Variants in SMIM22 observed in about 807,000 individuals in gnomAD.
SMIM22 encodes the protein small integral membrane protein 22, also known as cancer associated small integral membrane open reading frame 1.
In SMIM22, 16 loss-of-function variants were observed where a neutral mutation model predicts 8.4. The observed-to-expected ratio is 1.90, with a 90% CI of 1.29 to 2.89. The LOEUF (loss-of-function observed/expected upper bound fraction) is 2.89, where lower values mean the gene tolerates loss of function less well. SMIM22 is among the 30% of genes most tolerant of loss of function. SMIM22 has a pLI of 0.00. For missense variants in SMIM22, 159 were observed against 107.5 expected (o/e 1.48, Z -2.12); for synonymous variants, 67 against 47.6 (o/e 1.41, Z -1.68).
At chr16:4,791,483 T>A (rs2082550296), upstream of SMIM22, among the ~76,000 whole-genome samples, 2 of 151,878 alleles carry the variant, frequency 1.3e-5, no homozygotes, top group Admixed American at 1.3e-4. Flanking sequence ...TGGGAGGAGG[T>A]GGATACTATT....
chr16:4,790,691 G>C (rs1357534375), upstream of SMIM22, among the ~76,000 whole-genome samples: 1 of 152,204 alleles, frequency 6.6e-6, no homozygotes, highest in Non-Finnish European at 1.5e-5. Context: ...GGGAGGCTGA[G>C]GCAGGGAGAA....
At chr16:4,792,616 A>T (rs1235430639), upstream of SMIM22, among the ~76,000 whole-genome samples, 2 of 151,264 alleles carry the variant, frequency 1.3e-5, no homozygotes, top group African/African-American at 4.8e-5. Context: ...AGCCTGACCA[A>T]CATGGTGAAA....
chr16:4,792,534 G>GCGT (rs1432787080), upstream of SMIM22, among the ~76,000 whole-genome samples: 2 of 148,696 alleles, frequency 1.3e-5, no homozygotes, highest in Non-Finnish European at 3.0e-5. Flanking sequence ...GGGCGCGGTG[G>GCGT]ATCATGCCTG....
upstream of SMIM22, among the ~76,000 whole-genome samples, chr16:4,794,756 A>G (rs970587188): frequency 6.6e-6 from 1 of 152,164 alleles, no homozygotes; most frequent in South Asian, 2.1e-4. Flanking sequence ...GGGTTTCGCC[A>G]TGTTGGCCAG....
chr16:4,794,812 G>A (rs1292564267), upstream of SMIM22: 1 of 152,236 alleles, frequency 6.6e-6, no homozygotes, highest in Non-Finnish European at 1.5e-5. Context: ...GCCCAACTTG[G>A]CCTTCCAAAG....
At chr16:4,791,200 T>C (rs1207709757), upstream of SMIM22, among the ~76,000 whole-genome samples, 1 of 152,090 alleles carries the variant, frequency 6.6e-6, no homozygotes, top group Non-Finnish European at 1.5e-5. Flanking sequence ...TGGGTGCCAG[T>C]AGGGACTGCA....
Position 4,796,304 on chromosome 16 carries a change from A to G in SMIM22, c.*73A>G. The stretch of plus-strand genomic sequence containing the variant: ...AGAGCCTGAGTCTGCAGTGTCTTCC[A>G]GTCCCCGTCTGGGTGGGTGACGCGG... On this transcript the variant is annotated 3_prime_UTR_variant, in exon 4 of 4. Coordinates refer to ENST00000586005, the MANE Select transcript of SMIM22 (RefSeq NM_001253794.2). The G allele has an allele frequency of 3.3e-6, 5 of 1,508,402 alleles. No homozygotes were observed. The highest frequency in any genetic ancestry group is 3.5e-6 in the Non-Finnish European group (4 of 1,128,034). 93.4% of individuals were successfully genotyped at this position (1,508,402 alleles called of 1,614,324 possible). A position where few individuals can be genotyped will look rare whatever the true frequency, so the allele number is the denominator to read the frequency against.
chr16:4,792,217 G>A (rs984299204), upstream of SMIM22, among the ~76,000 whole-genome samples: 13 of 151,444 alleles, frequency 8.6e-5, no homozygotes, highest in Non-Finnish European at 1.9e-4. Flanking sequence ...TTGAGACAGA[G>A]TCTCGCTCTG....
upstream of SMIM22, among the ~76,000 whole-genome samples, chr16:4,792,170 A>G (rs79375873): frequency 1.4e-3 from 220 of 152,114 alleles, 3 homozygotes; most frequent in Admixed American, 9.8e-3. Context: ...GAGCTGGAGC[A>G]GGGGCCACAG....
rs772838384 is a variant in SMIM22 at position 4,796,048 on chromosome 16, G to T, written c.225G>T (p.Lys75Asn). The T allele has an allele frequency of 1.8e-5, 28 of 1,531,108 alleles. No homozygotes were observed. The South Asian group carries it at 2.6e-4, about 14-fold the overall frequency. 94.8% of individuals were successfully genotyped at this position (1,531,108 alleles called of 1,614,324 possible). A position where few individuals can be genotyped will look rare whatever the true frequency, so the allele number is the denominator to read the frequency against. The change falls in exon 3 of 4, where the codon AAG (lysine) becomes AAT (asparagine). Residue 75 changes from lysine to asparagine, a missense_variant and splice_region_variant. Coordinates refer to ENST00000586005, the MANE Select transcript of SMIM22 (RefSeq NM_001253794.2). ...GCCCCAGGAAGGTGAGCCCCTGGAAGGTGAGCCCTGCCGGCCTCTGGGACC... is the reference window on the plus strand; with the variant it reads ...GCCCCAGGAAGGTGAGCCCCTGGAATGTGAGCCCTGCCGGCCTCTGGGACC... ...RESPRKVSPWKERPKGVDNLA... is the reference protein window; with the variant it reads ...RESPRKVSPWNERPKGVDNLA...
chr16:4,796,144 G>C, intron 3 of SMIM22, 46 bp from the exon 4 acceptor site: 1 of 1,536,006 alleles, frequency 6.5e-7, no homozygotes, highest in Non-Finnish European at 8.7e-7. Flanking sequence ...ATCCCCCTAG[G>C]GAACAACGAG....
Position 4,795,837 on chromosome 16 carries a change from A to G in SMIM22, c.103A>G (p.Ile35Val), listed in dbSNP as rs759716811. The change falls in exon 2 of 4, where the codon ATT (isoleucine) becomes GTT (valine). Residue 35 changes from isoleucine to valine, a missense_variant. Transcript: ENST00000586005. ...GTCCACATGGGACACTGTTGCCTTC[A>G]TTGTTTTCCTCACCTTCATGGGTAA... ...FQSTWDTVAF[I>V]VFLTFMGTVL... is the part of the protein sequence containing the mutation. 1 of 1,535,190 alleles carries G rather than the reference A, an allele frequency of 6.5e-7. No homozygotes were observed. Among genetic ancestry groups the G allele is most frequent in the East Asian group, 2.4e-5 (1 of 40,904 alleles).
upstream of SMIM22, among the ~76,000 whole-genome samples, chr16:4,794,534 C>T (rs1468142416): frequency 6.6e-6 from 1 of 152,078 alleles, no homozygotes; most frequent in African/African-American, 2.4e-5. Flanking sequence ...GATTCTCCTG[C>T]CTCAGCCTCC....
In SMIM22 at chr16:4,796,437, G is replaced by C. The variant is rs2082646023; in HGVS notation, c.*206G>C. On this transcript the variant is annotated 3_prime_UTR_variant, in exon 4 of 4. Coordinates refer to ENST00000586005, the MANE Select transcript of SMIM22 (RefSeq NM_001253794.2). ...TAGCTGGGAGGGGAGCTGGTCTCAGGCCGGGCGCGGTGGCTCACACCTATA... is the reference window on the plus strand; with the variant it reads ...TAGCTGGGAGGGGAGCTGGTCTCAGCCCGGGCGCGGTGGCTCACACCTATA... 1 of 629,164 alleles carries C rather than the reference G, an allele frequency of 1.6e-6. No homozygotes were observed. Among genetic ancestry groups the C allele is most frequent in the South Asian group, 2.0e-5 (1 of 51,260 alleles). 39.0% of individuals were successfully genotyped at this position (629,164 alleles called of 1,614,324 possible).
upstream of SMIM22, among the ~76,000 whole-genome samples, chr16:4,792,668 G>A (rs2082570157): frequency 6.6e-6 from 1 of 151,376 alleles, no homozygotes; most frequent in Admixed American, 6.6e-5. Context: ...TGGGTGTGGT[G>A]GTGCACGCTT....
At chr16:4,791,539 G>A (rs1268406848), upstream of SMIM22, among the ~76,000 whole-genome samples, 1 of 152,116 alleles carries the variant, frequency 6.6e-6, no homozygotes, top group African/African-American at 2.4e-5. Flanking sequence ...GAAGGGCTCA[G>A]GGAACGTTAC....
chr16:4,788,725 C>A (rs2082500673), intron 1 of SMIM22: 2 of 152,320 alleles, frequency 1.3e-5, no homozygotes, highest in Admixed American at 1.3e-4. Context: ...TGGCATCGTT[C>A]TAGGAGCCCA....
chr16:4,795,559 G>C (rs1312404795), intron 1 of SMIM22, 110 bp downstream of exon 1: 8 of 899,232 alleles, frequency 8.9e-6, no homozygotes, highest in Non-Finnish European at 1.3e-5. Context: ...AAGGAGAGAA[G>C]CTGGGCCTGG....
Position 4,796,338 on chromosome 16 carries a change from GC to G in SMIM22, c.*111del. The G allele has an allele frequency of 7.4e-7, 1 of 1,343,096 alleles. No individual in the cohort carries two copies. The highest frequency in any genetic ancestry group is 1.0e-6 in the Non-Finnish European group (1 of 991,944). The allele number at this position is 1,343,096 out of a possible 1,614,324, so 83.2% of individuals were successfully genotyped here. On this transcript the variant is annotated 3_prime_UTR_variant, in exon 4 of 4. Transcript: ENST00000586005. Reference sequence around the variant, plus strand: ...CTGGGTGGGTGACGCGGGACTCGCCGCCCCACTCAGGTGGCCACCTGGCCTC... The same window carrying G: ...CTGGGTGGGTGACGCGGGACTCGCCGCCCACTCAGGTGGCCACCTGGCCTC...
Sources: gnomAD v4.1 joint callset for allele counts (sites outside exome capture counted in the v4.1 genomes callset) on GRCh38, gnomAD v4.1.1 for gene constraint, MANE v1.5 for transcripts, NCBI Gene and HGNC (gene_info 2026-07-23, HGNC 2026-07-21) for gene names.